XIRP2: variants seen among roughly 807,000 people sequenced by gnomAD.
The protein encoded by XIRP2 is xin actin binding repeat containing 2.
Under a neutral mutation model 277.0 loss-of-function variants are expected in XIRP2, and 236 were observed. That is an observed-to-expected ratio of 0.85 (90% CI 0.77 to 0.95). XIRP2 has a LOEUF of 0.95. Ranked by LOEUF, XIRP2 falls within the 40% of genes least tolerant of loss-of-function variation. XIRP2 has a pLI of 0.00. For missense variants in XIRP2, 4,640 were observed against 4,157.5 expected (o/e 1.12, Z -3.19); for synonymous variants, 1,490 against 1,416.5 (o/e 1.05, Z -1.17).
rs1358931007 is a variant in XIRP2 at position 167,248,403 on chromosome 2, A to G, written c.7011A>G (p.Glu2337=). 1.2e-6 allele frequency: 2 copies of G among 1,613,728 alleles called. No homozygotes were observed. Among genetic ancestry groups the G allele is most frequent in the African/African-American group, 2.7e-5 (2 of 74,938 alleles). ...PSLSTEKIKA[E]FESFPGLPLP... The stretch of plus-strand genomic sequence containing the variant: ...TGTCCACAGAGAAGATAAAGGCTGA[A>G]TTTGAAAGTTTTCCAGGCCTCCCTC... The change falls in exon 9 of 11, where the codon GAA becomes GAG. Residue 2337 remains glutamate, a synonymous_variant. Transcript: ENST00000409195.
chr2:166,906,004 TATA>T (rs1684508350), intron 2 of XIRP2, among the ~76,000 whole-genome samples: 1 of 152,046 alleles, frequency 6.6e-6, no homozygotes, highest in African/African-American at 2.4e-5. Flanking sequence ...AAAGTCATGA[TATA>T]ATATTTATTT....
At chr2:167,043,168 G>A (rs556478103) in intron 2 of XIRP2, among the ~76,000 whole-genome samples, 48 of 152,072 alleles carry the variant, frequency 3.2e-4, no homozygotes, top group African/African-American at 1.1e-3. Context: ...AGAATTTCTC[G>A]GATACAGCTA....
Position 166,981,503 on chromosome 2 carries a change from C to A in XIRP2, c.408+77613C>A, listed in dbSNP as rs892713308. 2.0e-5 allele frequency among the ~76,000 whole-genome samples: 3 copies of A among 151,972 alleles called. No homozygotes were observed. In the East Asian group the frequency reaches 5.8e-4, roughly 29 times the overall value. On this transcript the variant is annotated intron_variant, in intron 2 of 10. Coordinates refer to ENST00000409195, the MANE Select transcript of XIRP2 (RefSeq NM_152381.6). ...GTGGCATGATCTCAGCTCACTACAA[C>A]CTCCACCTCCCGGGTTCAAGCAATT... is the stretch of plus-strand genomic sequence containing the variant.
intron 2 of XIRP2, among the ~76,000 whole-genome samples, chr2:167,111,237 A>G (rs1439814957): frequency 6.6e-6 from 1 of 152,142 alleles, no homozygotes; most frequent in African/African-American, 2.4e-5. Context: ...AAGAGAGGGC[A>G]TCCTTACCTT....
At chr2:167,161,819 G>A (rs1438634140) in intron 3 of XIRP2, among the ~76,000 whole-genome samples, 3 of 152,104 alleles carry the variant, frequency 2.0e-5, no homozygotes, top group African/African-American at 4.8e-5. Flanking sequence ...AGAAAATGGG[G>A]TTTTCTTTTC....
At chr2:167,004,522 C>T (rs187188411) in intron 2 of XIRP2, among the ~76,000 whole-genome samples, 8 of 151,794 alleles carry the variant, frequency 5.3e-5, no homozygotes, top group South Asian at 2.1e-4. Flanking sequence ...AATAGGAACA[C>T]GTGACAATTT....
intron 2 of XIRP2, among the ~76,000 whole-genome samples, chr2:167,084,665 C>G (rs553271681): frequency 6.6e-6 from 1 of 151,970 alleles, no homozygotes; most frequent in East Asian, 1.9e-4. Flanking sequence ...CTGGTTTAGT[C>G]TTGGGAGAGT....
chr2:167,216,952 C>T (rs1694264959), intron 4 of XIRP2, among the ~76,000 whole-genome samples: 2 of 137,988 alleles, frequency 1.4e-5, no homozygotes, highest in Admixed American at 1.4e-4. Context: ...ACTATGCAGC[C>T]ATAAAAAATG....
intron 2 of XIRP2, among the ~76,000 whole-genome samples, chr2:166,922,357 G>A (rs1281891078): frequency 6.6e-6 from 1 of 152,044 alleles, no homozygotes; most frequent in African/African-American, 2.4e-5. Context: ...ATCAATGATA[G>A]CCCATTTCTT....
intron 3 of XIRP2, among the ~76,000 whole-genome samples, chr2:167,166,169 A>G (rs1302366577): frequency 6.6e-6 from 1 of 152,160 alleles, no homozygotes; most frequent in Admixed American, 6.5e-5. Flanking sequence ...ATTTTCATTT[A>G]GCTCAAAATA....
chr2:167,182,075 AC>A (rs1205900152), intron 3 of XIRP2, among the ~76,000 whole-genome samples: 1 of 152,184 alleles, frequency 6.6e-6, no homozygotes, highest in African/African-American at 2.4e-5. Context: ...CTTTATTAAT[AC>A]CATGATATAA....
intron 2 of XIRP2, among the ~76,000 whole-genome samples, chr2:167,023,353 T>C (rs1448944711): frequency 7.9e-5 from 12 of 152,108 alleles, no homozygotes; most frequent in Non-Finnish European, 1.5e-5. Flanking sequence ...TTCTGGATAT[T>C]AGCCCTTTGT....
chr2:167,194,162 A>C (rs1215680541), intron 3 of XIRP2, among the ~76,000 whole-genome samples: 3 of 150,818 alleles, frequency 2.0e-5, no homozygotes, highest in Non-Finnish European at 4.4e-5. Flanking sequence ...GCTCACTGCA[A>C]CCTCCGCCTC....
At chr2:166,888,800 C>A (rs983377533) in intron 1 of XIRP2, among the ~76,000 whole-genome samples, 1 of 152,156 alleles carries the variant, frequency 6.6e-6, no homozygotes, top group African/African-American at 2.4e-5. Flanking sequence ...ACAATTTAAT[C>A]TGGGGCAGCA....
At chr2:166,939,700 A>G (rs1420643620) in intron 2 of XIRP2, among the ~76,000 whole-genome samples, 1 of 146,622 alleles carries the variant, frequency 6.8e-6, no homozygotes, top group Non-Finnish European at 1.5e-5. Flanking sequence ...AAAAAAAAAC[A>G]AAAAACAAAA....
intron 2 of XIRP2, among the ~76,000 whole-genome samples, chr2:166,952,047 C>T (rs568588535): frequency 6.6e-6 from 1 of 152,100 alleles, no homozygotes; most frequent in Non-Finnish European, 1.5e-5. Context: ...ATTACCTGCC[C>T]TATTGAAGTG....
Position 167,052,879 on chromosome 2 carries a change from A to G in XIRP2, c.409-83030A>G, listed in dbSNP as rs151112660. On this transcript the variant is annotated intron_variant, in intron 2 of 10. Transcript: ENST00000409195. The stretch of plus-strand genomic sequence containing the variant: ...ACTTAGTCTTCTTAAAAGAACTGAT[A>G]TAAAATGTCTCTGTTAAATTCAAGC... 9.2e-5 allele frequency among the ~76,000 whole-genome samples: 14 copies of G among 152,352 alleles called. No individual in the cohort carries two copies. The East Asian group carries it at 2.3e-3, about 25-fold the overall frequency.
intron 2 of XIRP2, among the ~76,000 whole-genome samples, chr2:167,134,464 G>C (rs1000618134): frequency 6.6e-6 from 1 of 151,924 alleles, no homozygotes; most frequent in African/African-American, 2.4e-5. Flanking sequence ...ATGTTTCGAA[G>C]CTTTTAGCTG....
At chr2:166,905,069 G>C (rs1021171746) in intron 2 of XIRP2, among the ~76,000 whole-genome samples, 12 of 151,926 alleles carry the variant, frequency 7.9e-5, no homozygotes, top group African/African-American at 2.9e-4. Context: ...CTTAAAACAT[G>C]CAACCATTTG....
Sources: gnomAD v4.1 joint callset for allele counts (sites outside exome capture counted in the v4.1 genomes callset) on GRCh38, gnomAD v4.1.1 for gene constraint, MANE v1.5 for transcripts, NCBI Gene and HGNC (gene_info 2026-07-23, HGNC 2026-07-21) for gene names.